ZNF438: variants seen among roughly 807,000 people sequenced by gnomAD.
ZNF438 encodes zinc finger protein 438.
In ZNF438, 25 loss-of-function variants were observed where a neutral mutation model predicts 38.0. The observed-to-expected ratio is 0.66, with a 90% CI of 0.48 to 0.92. ZNF438 has a LOEUF of 0.92. ZNF438 is among the 40% of genes least tolerant of loss of function. ZNF438 has a pLI of 0.00. For missense variants in ZNF438, 1,007 were observed against 999.6 expected (o/e 1.01, Z -0.10); for synonymous variants, 372 against 364.1 (o/e 1.02, Z -0.25).
At chr10:30,978,538 C>T (rs906116546) in intron 1 of ZNF438, among the ~76,000 whole-genome samples, 1 of 152,024 alleles carries the variant, frequency 6.6e-6, no homozygotes, top group Non-Finnish European at 1.5e-5. Context: ...TTTATATCTC[C>T]ATATAATCAC....
At chr10:30,924,351 C>T (rs1248106792) in intron 2 of ZNF438, among the ~76,000 whole-genome samples, 1 of 152,064 alleles carries the variant, frequency 6.6e-6, no homozygotes, top group Non-Finnish European at 1.5e-5. Context: ...GGCTTACATA[C>T]CAGGGAAGAA....
intron 1 of ZNF438, among the ~76,000 whole-genome samples, chr10:30,957,969 A>G (rs2049049575): frequency 6.8e-6 from 1 of 146,538 alleles, no homozygotes; most frequent in Non-Finnish European, 1.5e-5. Flanking sequence ...CTGGATATTT[A>G]TATTTTTCTT....
At chr10:30,902,524 A>G (rs1028833987) in intron 3 of ZNF438, among the ~76,000 whole-genome samples, 4 of 152,146 alleles carry the variant, frequency 2.6e-5, no homozygotes, top group Admixed American at 6.6e-5. Context: ...GTGCATTTAC[A>G]AACTTTGAGC....
Position 30,849,290 on chromosome 10 carries a change from T to A in ZNF438, c.1115A>T (p.Lys372Ile), listed in dbSNP as rs753865791. ...TGCTGCTCCACTGTTCAGTTTTGTT[T>A]TGTGGTTAAGATCAAGTTTGGTGGG... Residue 372 changes from lysine (K) to isoleucine (I), a missense_variant, in exon 5 of 6, where the codon AAA becomes ATA. Transcript: ENST00000413025. The A allele has an allele frequency of 6.4e-5, 104 of 1,614,106 alleles. No individual in the cohort carries two copies. Among genetic ancestry groups the A allele is most frequent in the Non-Finnish European group, 8.8e-5 (104 of 1,180,038 alleles).
chr10:30,867,916 A>G (rs1680090358), intron 4 of ZNF438, among the ~76,000 whole-genome samples: 1 of 152,178 alleles, frequency 6.6e-6, no homozygotes, highest in Non-Finnish European at 1.5e-5. Context: ...ATCTTATATA[A>G]TGTTTCAAAA....
chr10:30,853,311 T>C (rs58406408), intron 4 of ZNF438, among the ~76,000 whole-genome samples: 58,215 of 152,036 alleles, frequency 0.38, 11,441 homozygotes, highest in Admixed American at 0.41. Context: ...ATCTATGACT[T>C]CCTCATCTCA....
exon 5 of ZNF438, chr10:30,849,869 A>G (rs905050187): frequency 8.7e-6 from 14 of 1,613,916 alleles, no homozygotes; most frequent in Non-Finnish European, 1.1e-5. Flanking sequence ...TAGTGATGGT[A>G]CTTCCTCAAA....
intron 1 of ZNF438, among the ~76,000 whole-genome samples, chr10:30,974,122 G>C (rs1200732937): frequency 6.6e-6 from 1 of 152,188 alleles, no homozygotes; most frequent in African/African-American, 2.4e-5. Flanking sequence ...AGTGGAAAAG[G>C]TGATAACCTT....
chr10:31,007,056 T>C (rs1379863262), intron 1 of ZNF438, among the ~76,000 whole-genome samples: 2 of 151,916 alleles, frequency 1.3e-5, no homozygotes, highest in African/African-American at 4.8e-5. Context: ...TGAGAAAGAT[T>C]TGCCCAGCCA....
intron 3 of ZNF438, among the ~76,000 whole-genome samples, chr10:30,888,958 C>T (rs935975973): frequency 1.3e-5 from 2 of 152,192 alleles, no homozygotes; most frequent in African/African-American, 4.8e-5. Flanking sequence ...ACACTGCTTT[C>T]CACAGTGACC....
chr10:30,988,008 C>T (rs2053040861), intron 1 of ZNF438, among the ~76,000 whole-genome samples: 1 of 152,112 alleles, frequency 6.6e-6, no homozygotes, highest in Non-Finnish European at 1.5e-5. Context: ...AGAATGCCTA[C>T]AATTTAGCAG....
At chr10:30,944,349 A>G (rs1247819894) in intron 1 of ZNF438, among the ~76,000 whole-genome samples, 1 of 152,208 alleles carries the variant, frequency 6.6e-6, no homozygotes, top group African/African-American at 2.4e-5. Context: ...GTTTCTCTAT[A>G]AACAAAACTG....
At chr10:31,031,191 T>A (rs2057269963) in intron 1 of ZNF438, among the ~76,000 whole-genome samples, 1 of 152,236 alleles carries the variant, frequency 6.6e-6, no homozygotes. Context: ...AGCCAGTGGC[T>A]ACCACATTCC....
At chr10:30,990,571 C>T (rs927834066) in intron 1 of ZNF438, among the ~76,000 whole-genome samples, 1 of 152,180 alleles carries the variant, frequency 6.6e-6, no homozygotes, top group African/African-American at 2.4e-5. Flanking sequence ...TCAGAGGTAT[C>T]CTAAACTTCA....
chr10:30,888,362 A>ACACACACACACACACACACAC (rs1564574714), intron 3 of ZNF438, among the ~76,000 whole-genome samples: 3,359 of 36,432 alleles, frequency 0.092, 126 homozygotes, highest in African/African-American at 0.24. Flanking sequence ...CACACACACA[A>ACACACACACACACACACACAC]ACACACACAT....
chr10:30,969,438 T>A (rs1328981863), intron 1 of ZNF438, among the ~76,000 whole-genome samples: 1 of 151,714 alleles, frequency 6.6e-6, no homozygotes, highest in Non-Finnish European at 1.5e-5. Context: ...GAACACTGAA[T>A]AACAAATATG....
rs34603319 is a variant in ZNF438 at position 30,934,159 on chromosome 10, GA to G, written c.-115+7415del. On this transcript the variant is annotated intron_variant, in intron 2 of 5. Transcript: ENST00000413025. ...AGACTCCATCTCAAAAAAAGAAAAAGAAAAAAAAAAAAAGAAATCAGCACTT... is the reference window on the plus strand; with the variant it reads ...AGACTCCATCTCAAAAAAAGAAAAAGAAAAAAAAAAAAGAAATCAGCACTT... Among the ~76,000 whole-genome samples the G allele has an allele frequency of 5.5e-4, 79 of 144,452 alleles. No individual in the cohort carries two copies. The East Asian group carries it at 8.6e-3, about 16-fold the overall frequency. The allele number at this position is 144,452 out of a possible 152,430, so 94.8% of individuals were successfully genotyped here.
At chr10:31,024,378 G>A (rs1471478625) in intron 1 of ZNF438, among the ~76,000 whole-genome samples, 1 of 152,186 alleles carries the variant, frequency 6.6e-6, no homozygotes, top group African/African-American at 2.4e-5. Context: ...TGTAATCCTA[G>A]CACTTCGGGA....
Position 31,023,881 on chromosome 10 carries a change from A to G in ZNF438, c.-192+7952T>C, listed in dbSNP as rs114280137. Among the ~76,000 whole-genome samples the G allele has an allele frequency of 2.0e-5, 3 of 152,188 alleles. No homozygotes were observed. The East Asian group carries it at 5.8e-4, about 29-fold the overall frequency. ...TTTTTGCACTTTTCAAAATCAGCCA[A>G]TCTCAAACTCTGTGCTTCCTCAAAA... is the stretch of plus-strand genomic sequence containing the variant. On this transcript the variant is annotated intron_variant, in intron 1 of 5. Transcript: ENST00000413025.
Sources: allele counts gnomAD v4.1 joint callset (sites outside exome capture counted in the v4.1 genomes callset), GRCh38; gene constraint gnomAD v4.1.1; transcripts MANE v1.5; gene names NCBI Gene and HGNC (gene_info 2026-07-23, HGNC 2026-07-21).